Variants in ABRAXAS2 observed in about 807,000 individuals in gnomAD.
ABRAXAS2 encodes the protein abraxas 2, BRISC complex subunit.
A neutral mutation model predicts 49.0 loss-of-function variants in ABRAXAS2; 23 were observed. The ratio of observed to expected loss-of-function variants is 0.47; its 90% confidence interval spans 0.34 to 0.66. The LOEUF (loss-of-function observed/expected upper bound fraction) is 0.66. Among genes scored for constraint, ABRAXAS2 ranks in the 30% least tolerant of loss-of-function variants. The pLI is 0.01. For missense variants in ABRAXAS2, 443 were observed against 511.9 expected (o/e 0.87, Z 1.30); for synonymous variants, 168 against 180.2 (o/e 0.93, Z 0.54).
chr10:124,813,137 G>T (rs1461507037), intron 2 of ABRAXAS2, among the ~76,000 whole-genome samples: 1 of 152,180 alleles, frequency 6.6e-6, no homozygotes, highest in Non-Finnish European at 1.5e-5. Context: ...GGAGGCGGAG[G>T]TTGCAGTGAG....
intron 8 of ABRAXAS2, among the ~76,000 whole-genome samples, chr10:124,833,553 G>A (rs1247760468): frequency 6.6e-6 from 1 of 152,152 alleles, no homozygotes. Context: ...ACCCAAAGCT[G>A]GATAATAAAA....
At chr10:124,824,268 G>T (rs931767172) in intron 4 of ABRAXAS2, among the ~76,000 whole-genome samples, 1 of 152,194 alleles carries the variant, frequency 6.6e-6, no homozygotes, top group Non-Finnish European at 1.5e-5. Context: ...AGGCACTGTG[G>T]CTCACGCCTG....
rs181028464 is a variant in ABRAXAS2 at position 124,808,289 on chromosome 10, C to A, written c.163+1368C>A. Reference sequence around the variant, plus strand: ...CTCCCGGGTTCAGGCCATTCTCCTGCCTCAGCCTCCCGAGTAGCTGGGACT... The same window carrying A: ...CTCCCGGGTTCAGGCCATTCTCCTGACTCAGCCTCCCGAGTAGCTGGGACT... On this transcript the variant is annotated intron_variant, in intron 2 of 8. Transcript: ENST00000298492. Among the ~76,000 whole-genome samples the A allele has an allele frequency of 5.3e-3, 810 of 152,142 alleles. 4 individuals are homozygous for A. Among genetic ancestry groups the A allele is most frequent in the Non-Finnish European group, 8.9e-3 (605 of 68,018 alleles).
chr10:124,823,909 C>CTGTTT lies in ABRAXAS2; in HGVS notation c.268-2664_268-2660dup, dbSNP rs368839285. On this transcript the variant is annotated intron_variant, in intron 4 of 8. Coordinates refer to ENST00000298492, the MANE Select transcript of ABRAXAS2 (RefSeq NM_032182.4). ...TCATTGATGAGAATGACAGGAGAATCTGTTTTGTTTTGTTTTGTTTTGTTT... is the reference window on the plus strand; with the variant it reads ...TCATTGATGAGAATGACAGGAGAATCTGTTTTGTTTTGTTTTGTTTTGTTTTGTTT... 1.8e-3 allele frequency among the ~76,000 whole-genome samples: 279 copies of CTGTTT among 152,206 alleles called. 1 individual carries two copies. Among genetic ancestry groups the CTGTTT allele is most frequent in the African/African-American group, 4.9e-3 (204 of 41,544 alleles).
At chr10:124,832,133 A>G (rs1950937514) in intron 8 of ABRAXAS2, among the ~76,000 whole-genome samples, 1 of 152,024 alleles carries the variant, frequency 6.6e-6, no homozygotes, top group African/African-American at 2.4e-5. Flanking sequence ...TGCTGGGATT[A>G]CAGGTGTGAG....
intron 4 of ABRAXAS2, among the ~76,000 whole-genome samples, chr10:124,825,586 G>A (rs1207702919): frequency 2.6e-5 from 4 of 151,930 alleles, no homozygotes; most frequent in African/African-American, 9.7e-5. Context: ...AGCAAAAGTT[G>A]GCTTACTTTC....
At chr10:124,810,825 T>C (rs1191686108) in intron 2 of ABRAXAS2, among the ~76,000 whole-genome samples, 1 of 151,044 alleles carries the variant, frequency 6.6e-6, no homozygotes, top group African/African-American at 2.4e-5. Context: ...TTGTGATCCA[T>C]CCGCCTTGGC....
chr10:124,835,190 T>C lies in ABRAXAS2; in HGVS notation c.*219T>C, dbSNP rs1024035733. The C allele has an allele frequency of 2.2e-6, 1 of 445,242 alleles. No homozygotes were observed. Among genetic ancestry groups the C allele is most frequent in the African/African-American group, 2.0e-5 (1 of 50,150 alleles). The allele number at this position is 445,242 out of a possible 1,614,324, so 27.6% of individuals were successfully genotyped here. A position where few individuals can be genotyped will look rare whatever the true frequency, so the allele number is the denominator to read the frequency against. On this transcript the variant is annotated 3_prime_UTR_variant, in exon 9 of 9. Transcript: ENST00000298492. ...GACAGAATCATTAAGATAATCAAATTGTCCTAATTCTGGTGCGATTCATGG... is the reference window on the plus strand; with the variant it reads ...GACAGAATCATTAAGATAATCAAATCGTCCTAATTCTGGTGCGATTCATGG...
At chr10:124,821,762 AAATT>A (rs1950862739) in intron 4 of ABRAXAS2, among the ~76,000 whole-genome samples, 1 of 152,176 alleles carries the variant, frequency 6.6e-6, no homozygotes, top group Admixed American at 6.5e-5. Context: ...GGTGGAGTCT[AAATT>A]AACACAGAGA....
At chr10:124,806,801 TCTGC>T (rs1950747673) in intron 1 of ABRAXAS2, 26 bp from the exon 2 acceptor site, 1 of 1,374,924 alleles carries the variant, frequency 7.3e-7, no homozygotes, top group South Asian at 1.2e-5. Flanking sequence ...TTATTTTTAG[TCTGC>T]AATTATTTTC....
At chr10:124,829,505 CTTAT>C (rs778841253) in intron 7 of ABRAXAS2, 28 bp downstream of exon 7, 2 of 1,438,326 alleles carry the variant, frequency 1.4e-6, no homozygotes, top group Non-Finnish European at 1.9e-6. Context: ...TAGTTTTCAT[CTTAT>C]TTGTCTTGCC....
chr10:124,811,728 A>T (rs1950789539), intron 2 of ABRAXAS2, among the ~76,000 whole-genome samples: 1 of 151,854 alleles, frequency 6.6e-6, no homozygotes, highest in South Asian at 2.1e-4. Context: ...ACAGAGCTAG[A>T]CTCCGTCTCA....
chr10:124,815,997 G>C (rs1292573928), intron 2 of ABRAXAS2, among the ~76,000 whole-genome samples: 1 of 151,336 alleles, frequency 6.6e-6, no homozygotes, highest in Non-Finnish European at 1.5e-5. Flanking sequence ...CAGCCTCCCG[G>C]GTTCAAGTGA....
intron 2 of ABRAXAS2, among the ~76,000 whole-genome samples, chr10:124,815,352 G>A (rs988331197): frequency 2.0e-5 from 3 of 151,996 alleles, no homozygotes; most frequent in African/African-American, 4.8e-5. Flanking sequence ...CCACCAACAC[G>A]CCTGGCTAAT....
At chr10:124,818,751 C>T (rs989928928) in intron 3 of ABRAXAS2, among the ~76,000 whole-genome samples, 1 of 152,194 alleles carries the variant, frequency 6.6e-6, no homozygotes, top group Non-Finnish European at 1.5e-5. Context: ...CCACGGGATC[C>T]TGGTCATGTT....
chr10:124,816,522 GT>G (rs1397119992), intron 2 of ABRAXAS2, 53 bp from the exon 3 acceptor site: 5 of 1,267,214 alleles, frequency 3.9e-6, no homozygotes, highest in Middle Eastern at 1.9e-4. Flanking sequence ...CTATTTTATA[GT>G]TGCCTATGTC....
chr10:124,833,008 T>C (rs920106854), intron 8 of ABRAXAS2, among the ~76,000 whole-genome samples: 6 of 151,024 alleles, frequency 4.0e-5, no homozygotes, highest in Non-Finnish European at 8.8e-5. Context: ...TAGCTGGGCG[T>C]GGTGGCAGGC....
At position 124,823,192 on chromosome 10, in the gene ABRAXAS2, AAGAC is replaced by A. The variant is rs375791454; in HGVS notation, c.268-3399_268-3396del. On this transcript the variant is annotated intron_variant, in intron 4 of 8. Transcript: ENST00000298492. ...TTCAAAAATCTGAATTTCCAGCACA[AAGAC>A]AGAGATGATATATAACACTTAGATT... Among the ~76,000 whole-genome samples the A allele has an allele frequency of 1.2e-3, 177 of 152,294 alleles. 5 individuals carry two copies. In the South Asian group the frequency reaches 0.035, roughly 30 times the overall value.
At position 124,826,611 on chromosome 10, in the gene ABRAXAS2, A is replaced by G; in HGVS notation, c.284A>G (p.Tyr95Cys). 6.2e-7 allele frequency: 1 copy of G among 1,613,244 alleles called. No homozygotes were observed. The highest frequency in any genetic ancestry group is 8.5e-7 in the Non-Finnish European group (1 of 1,179,618). Residue 95 changes from tyrosine to cysteine, a missense_variant, in exon 5 of 9, where the codon TAC becomes TGC. Around this residue, in one of 3 missense-constraint regions of ABRAXAS2, gnomAD observed 166 missense variants for 247.3 expected, o/e 0.67. Coordinates refer to ENST00000298492, the MANE Select transcript of ABRAXAS2 (RefSeq NM_032182.4). ...TTCTTTCAGAAAGTCATTGGGTGGTACAGATTCCGGCGCAATACGCAGCAG... is the reference window on the plus strand; with the variant it reads ...TTCTTTCAGAAAGTCATTGGGTGGTGCAGATTCCGGCGCAATACGCAGCAG... ...KDRRKKVIGW[Y>C]RFRRNTQQQM... is the part of the protein sequence containing the mutation.
Sources: gnomAD v4.1 joint callset for allele counts (sites outside exome capture counted in the v4.1 genomes callset) on GRCh38, gnomAD v4.1.1 for gene constraint, gnomAD v4.1.1 regional missense constraint, MANE v1.5 for transcripts, NCBI Gene and HGNC (gene_info 2026-07-23, HGNC 2026-07-21) for gene names.